KCTD1: variants seen among roughly 807,000 people sequenced by gnomAD.
KCTD1 encodes BTB/POZ domain-containing protein KCTD1.
A neutral mutation model predicts 66.0 loss-of-function variants in KCTD1; 24 were observed. That is an observed-to-expected ratio of 0.36 (90% CI 0.26 to 0.51). The LOEUF (loss-of-function observed/expected upper bound fraction) is 0.51, where lower values mean the gene tolerates loss of function less well. Ranked by LOEUF, KCTD1 falls within the 20% of genes least tolerant of loss-of-function variation. The pLI is 0.95. For synonymous variants in KCTD1, 511 were observed against 517.2 expected, an observed-to-expected ratio of 0.99 and a Z score of 0.16; for missense variants, 943 against 1,205.2, an observed-to-expected ratio of 0.78 and a Z score of 3.22.
upstream of KCTD1, among the ~76,000 whole-genome samples, chr18:26,633,640 T>A (rs1987666170): frequency 6.6e-6 from 1 of 152,112 alleles, no homozygotes; most frequent in African/African-American, 2.4e-5. Context: ...TGTACTTATA[T>A]CATATAGAAA....
At chr18:26,467,540 G>A (rs1293566041) in intron 3 of KCTD1, among the ~76,000 whole-genome samples, 21 of 150,086 alleles carry the variant, frequency 1.4e-4, no homozygotes, top group Admixed American at 1.4e-3. Context: ...TTAAGGCCGG[G>A]CACAATGGCT....
upstream of KCTD1, chr18:26,549,429 G>A (rs1985452341): frequency 1.0e-5 from 10 of 985,496 alleles, no homozygotes; most frequent in Non-Finnish European, 1.1e-5. Flanking sequence ...AGTCCGCGCC[G>A]GTCCAGCCAG....
In KCTD1 at chr18:26,548,225, G is replaced by A; in HGVS notation, c.312C>T (p.Pro104=). 6.6e-7 allele frequency: 1 copy of A among 1,509,480 alleles called. No individual in the cohort carries two copies. Among genetic ancestry groups the A allele is most frequent in the Non-Finnish European group, 8.8e-7 (1 of 1,132,670 alleles). 93.5% of individuals were successfully genotyped at this position (1,509,480 alleles called of 1,614,324 possible). A position where few individuals can be genotyped will look rare whatever the true frequency, so the allele number is the denominator to read the frequency against. The part of the protein sequence containing the change: ...EEEMGLDWDE[P]LEPEDSAGEE... ...CCCCGGCCGAGTCCTCGGGCTCCAG[G>A]GGCTCGTCCCAGTCCAGCCCCATCT... The change falls in exon 1 of 5, where the codon CCC becomes CCT. Residue 104 remains proline, a synonymous_variant. Coordinates refer to ENST00000580059, the MANE Select transcript of KCTD1 (RefSeq NM_001142730.3).
intron 1 of KCTD1, among the ~76,000 whole-genome samples, chr18:26,568,645 G>C (rs1986037342): frequency 1.3e-5 from 2 of 152,170 alleles, no homozygotes; most frequent in African/African-American, 4.8e-5. Context: ...CCGTTACACT[G>C]TAGAATAGTA....
intron 1 of KCTD1, among the ~76,000 whole-genome samples, chr18:26,532,165 G>T (rs1211880678): frequency 1.3e-5 from 2 of 151,994 alleles, no homozygotes; most frequent in Non-Finnish European, 2.9e-5. Flanking sequence ...CCTAACAAGT[G>T]AGAAGAGGCG....
At chr18:26,462,673 T>C (rs1980499275) in intron 3 of KCTD1, among the ~76,000 whole-genome samples, 1 of 152,218 alleles carries the variant, frequency 6.6e-6, no homozygotes, top group Non-Finnish European at 1.5e-5. Flanking sequence ...TTCTATCCTG[T>C]CTAACACCCG....
chr18:26,656,755 C>G (rs1358822712), intron 1 of KCTD1, among the ~76,000 whole-genome samples: 1 of 151,130 alleles, frequency 6.6e-6, no homozygotes, highest in Non-Finnish European at 1.5e-5. Flanking sequence ...GCCCCGGGCG[C>G]CGCCGCCCCC....
intron 1 of KCTD1, among the ~76,000 whole-genome samples, chr18:26,651,719 G>A (rs957630243): frequency 4.0e-5 from 6 of 150,718 alleles, no homozygotes; most frequent in African/African-American, 1.5e-4. Context: ...AGGAGGGGGA[G>A]GTTGCAGTGA....
chr18:26,530,677 G>A (rs967397703), intron 1 of KCTD1, among the ~76,000 whole-genome samples: 7 of 152,240 alleles, frequency 4.6e-5, no homozygotes, highest in South Asian at 2.1e-4. Context: ...TGGAACATAC[G>A]TGGTAGAGCA....
chr18:26,643,892 G>A (rs1280610366), upstream of KCTD1, among the ~76,000 whole-genome samples: 1 of 152,050 alleles, frequency 6.6e-6, no homozygotes, highest in South Asian at 2.1e-4. Flanking sequence ...AACTCAGGAG[G>A]CGGAGCTTGC....
intron 1 of KCTD1, among the ~76,000 whole-genome samples, chr18:26,537,380 A>G (rs945278141): frequency 2.6e-5 from 4 of 152,228 alleles, no homozygotes; most frequent in African/African-American, 9.6e-5. Flanking sequence ...AACCTATTCC[A>G]TAAGGACTAT....
At chr18:26,625,209 ATG>A (rs1334049797) in intron 1 of KCTD1, among the ~76,000 whole-genome samples, 1 of 152,198 alleles carries the variant, frequency 6.6e-6, no homozygotes, top group African/African-American at 2.4e-5. Context: ...TAATGCTGGA[ATG>A]AATTAAGACT....
intron 1 of KCTD1, among the ~76,000 whole-genome samples, chr18:26,507,847 G>A (rs1000737727): frequency 1.3e-5 from 2 of 152,070 alleles, no homozygotes; most frequent in African/African-American, 4.8e-5. Context: ...TCAGAACACT[G>A]GCCACCTTTG....
Position 26,504,791 on chromosome 18 carries a change from A to T in KCTD1, c.1810-3541T>A, listed in dbSNP as rs564102444. 1.4e-4 allele frequency among the ~76,000 whole-genome samples: 22 copies of T among 152,326 alleles called. 1 individual carries two copies. In the South Asian group the frequency reaches 4.4e-3, roughly 30 times the overall value. On this transcript the variant is annotated intron_variant, in intron 1 of 4. Coordinates refer to ENST00000580059, the MANE Select transcript of KCTD1 (RefSeq NM_001142730.3). ...TCAATATGTATCCCATTGACTCCAGATGTTTCATCTAACACAATTGTGGCA... is the reference window on the plus strand; with the variant it reads ...TCAATATGTATCCCATTGACTCCAGTTGTTTCATCTAACACAATTGTGGCA...
intron 1 of KCTD1, among the ~76,000 whole-genome samples, chr18:26,637,039 G>A (rs914493868): frequency 2.2e-4 from 33 of 152,218 alleles, no homozygotes; most frequent in African/African-American, 8.0e-4. Context: ...TCCCTGCCAT[G>A]ACTCGCTCCC....
At chr18:26,496,364 T>C (rs1447144063) in intron 2 of KCTD1, among the ~76,000 whole-genome samples, 2 of 152,196 alleles carry the variant, frequency 1.3e-5, no homozygotes, top group African/African-American at 4.8e-5. Context: ...TTCATACTTA[T>C]TTAAAGTGAA....
chr18:26,538,544 C>T (rs953117125), intron 1 of KCTD1, among the ~76,000 whole-genome samples: 1 of 152,040 alleles, frequency 6.6e-6, no homozygotes, highest in African/African-American at 2.4e-5. Flanking sequence ...CAGAGGGGCC[C>T]CCGGTGCAGC....
chr18:26,593,544 GAA>G (rs1444666332), intron 1 of KCTD1, among the ~76,000 whole-genome samples: 17 of 89,210 alleles, frequency 1.9e-4, no homozygotes, highest in African/African-American at 4.0e-4. Flanking sequence ...GGAGGAGGAA[GAA>G]GACGAGGAGG....
intron 2 of KCTD1, among the ~76,000 whole-genome samples, chr18:26,494,908 A>G (rs1274531061): frequency 6.6e-6 from 1 of 152,000 alleles, no homozygotes; most frequent in Non-Finnish European, 1.5e-5. Flanking sequence ...CTCTCTTTCC[A>G]TCTGTGCCGA....
Sources: allele counts gnomAD v4.1 joint callset (sites outside exome capture counted in the v4.1 genomes callset), GRCh38; gene constraint gnomAD v4.1.1; transcripts MANE v1.5; gene names NCBI Gene and HGNC (gene_info 2026-07-23, HGNC 2026-07-21).